The following COL5A2 variants were observed in gnomAD, a reference collection of about 807,000 sequenced individuals.
COL5A2 encodes collagen type V alpha 2 chain.
Under a neutral mutation model 208.2 loss-of-function variants are expected in COL5A2, and 23 were observed. That is an observed-to-expected ratio of 0.11 (90% CI 0.08 to 0.16). The LOEUF (loss-of-function observed/expected upper bound fraction) is 0.16. Among genes scored for constraint, COL5A2 ranks in the 10% least tolerant of loss-of-function variants. The probability of loss-of-function intolerance (pLI) is 1.00; values close to 1 mark genes in which losing one functional copy is unlikely to be tolerated. For missense variants in COL5A2, 1,590 were observed against 1,956.4 expected, an observed-to-expected ratio of 0.81 and a Z score of 3.53; for synonymous variants, 625 against 628.5, an observed-to-expected ratio of 0.99 and a Z score of 0.08.
At chr2:189,104,330 A>C (rs550520392) in intron 2 of COL5A2, 53 bp from the exon 3 acceptor site, 7 of 1,168,838 alleles carry the variant, frequency 6.0e-6, no homozygotes, top group South Asian at 1.2e-5. Flanking sequence ...AATTATTGAG[A>C]ATCTGCTAAA....
At chr2:189,055,901 AT>A (rs1425409901) in intron 35 of COL5A2, among the ~76,000 whole-genome samples, 1 of 152,240 alleles carries the variant, frequency 6.6e-6, no homozygotes, top group East Asian at 1.9e-4. Flanking sequence ...CTACTTATGC[AT>A]TCCAGGACAT....
the COL5A2 span, among the ~76,000 whole-genome samples, chr2:189,358,142 G>A: frequency 6.6e-6 from 1 of 151,766 alleles, no homozygotes; most frequent in Non-Finnish European, 1.5e-5. Flanking sequence ...ATCTCGCTGG[G>A]AGCTGCAGAC....
chr2:189,380,546 T>C, the COL5A2 span, among the ~76,000 whole-genome samples: 1 of 151,856 alleles, frequency 6.6e-6, no homozygotes, highest in Non-Finnish European at 1.5e-5. Flanking sequence ...TAGTTAATTA[T>C]TTAAAAACCT....
At chr2:189,322,895 C>A in the COL5A2 span, among the ~76,000 whole-genome samples, 1 of 152,166 alleles carries the variant, frequency 6.6e-6, no homozygotes, top group East Asian at 1.9e-4. Flanking sequence ...AGACCAATAT[C>A]CCTGATGAAC....
chr2:189,226,928 G>A (rs540468195), upstream of COL5A2, among the ~76,000 whole-genome samples: 9 of 152,274 alleles, frequency 5.9e-5, no homozygotes, highest in African/African-American at 2.2e-4. Flanking sequence ...TGGTCTGACA[G>A]CAGGTCAGAG....
At chr2:189,345,604 A>G in the COL5A2 span, among the ~76,000 whole-genome samples, 1 of 152,204 alleles carries the variant, frequency 6.6e-6, no homozygotes. Flanking sequence ...GAGAATTTTC[A>G]GGAAGGAAGG....
intron 1 of COL5A2, among the ~76,000 whole-genome samples, chr2:189,189,849 T>G (rs1340529112): frequency 6.6e-6 from 1 of 152,210 alleles, no homozygotes; most frequent in Non-Finnish European, 1.5e-5. Flanking sequence ...TAACCAAGTT[T>G]TTCAGTGTCC....
chr2:189,151,596 C>T (rs1688143152), intron 1 of COL5A2, among the ~76,000 whole-genome samples: 1 of 152,084 alleles, frequency 6.6e-6, no homozygotes, highest in Non-Finnish European at 1.5e-5. Context: ...TTAGTTTACC[C>T]CTCTTCCATG....
chr2:189,321,807 C>T, the COL5A2 span, among the ~76,000 whole-genome samples: 1 of 152,198 alleles, frequency 6.6e-6, no homozygotes, highest in Admixed American at 6.5e-5. Context: ...GAATTGAATT[C>T]AGCTCTGCAC....
chr2:189,058,027 T>C (rs950839788), intron 33 of COL5A2, among the ~76,000 whole-genome samples: 1 of 152,214 alleles, frequency 6.6e-6, no homozygotes, highest in African/African-American at 2.4e-5. Flanking sequence ...TATTTTCACA[T>C]ATGTAGTAAG....
chr2:189,155,405 TCATA>T (rs1688226110), intron 1 of COL5A2, among the ~76,000 whole-genome samples: 2 of 152,162 alleles, frequency 1.3e-5, no homozygotes, highest in Non-Finnish European at 2.9e-5. Context: ...TCTCAGATCC[TCATA>T]CAAACTGAAT....
At chr2:189,318,823 G>A in the COL5A2 span, among the ~76,000 whole-genome samples, 1 of 152,164 alleles carries the variant, frequency 6.6e-6, no homozygotes, top group Non-Finnish European at 1.5e-5. Context: ...TGCCACACCT[G>A]TTTTGAATAG....
the COL5A2 span, among the ~76,000 whole-genome samples, chr2:189,274,207 A>C: frequency 6.6e-6 from 1 of 152,182 alleles, no homozygotes; most frequent in African/African-American, 2.4e-5. Flanking sequence ...ATAAGGTATA[A>C]CCCAGATATA....
At chr2:189,077,367 A>G (rs6434319) in intron 16 of COL5A2, among the ~76,000 whole-genome samples, 150,429 of 152,280 alleles carry the variant, frequency 0.99, 74,327 homozygotes, top group East Asian at 1. Flanking sequence ...ATACTGTATC[A>G]AAAAAACAGA....
At chr2:189,060,141 A>AC (rs1685996244) in intron 31 of COL5A2, among the ~76,000 whole-genome samples, 1 of 151,706 alleles carries the variant, frequency 6.6e-6, no homozygotes, top group South Asian at 2.1e-4. Context: ...CTTTCCTAAA[A>AC]CCCCCAAGTC....
chr2:189,098,037 C>T (rs1399997009), intron 5 of COL5A2, among the ~76,000 whole-genome samples: 1 of 151,866 alleles, frequency 6.6e-6, no homozygotes, highest in Non-Finnish European at 1.5e-5. Context: ...AATGTTTTTC[C>T]CCCCCTGGGA....
chr2:189,398,369 T>A, the COL5A2 span, among the ~76,000 whole-genome samples: 2 of 152,186 alleles, frequency 1.3e-5, no homozygotes, highest in African/African-American at 4.8e-5. Context: ...AATGTTATGT[T>A]AAAGTCTTCC....
intron 1 of COL5A2, among the ~76,000 whole-genome samples, chr2:189,153,912 T>C (rs953963917): frequency 2.0e-5 from 3 of 152,080 alleles, no homozygotes; most frequent in Non-Finnish European, 4.4e-5. Context: ...TAAAAGGTAG[T>C]TCCTGTATAG....
chr2:189,038,784 G>A (rs1362804998), intron 51 of COL5A2, among the ~76,000 whole-genome samples: 1 of 152,024 alleles, frequency 6.6e-6, no homozygotes, highest in Non-Finnish European at 1.5e-5. Context: ...CCGGCTCCTG[G>A]GTTCATGCCA....
Sources: allele counts gnomAD v4.1 joint callset (sites outside exome capture counted in the v4.1 genomes callset), GRCh38; gene constraint gnomAD v4.1.1; transcripts MANE v1.5; gene names NCBI Gene and HGNC (gene_info 2026-07-23, HGNC 2026-07-21).